Variants in KCNH3 observed in about 807,000 individuals in gnomAD.
KCNH3 encodes voltage-gated inwardly rectifying potassium channel KCNH3.
Under a neutral mutation model 95.6 loss-of-function variants are expected in KCNH3, and 36 were observed. The ratio of observed to expected loss-of-function variants is 0.38; its 90% confidence interval spans 0.29 to 0.50. The LOEUF (loss-of-function observed/expected upper bound fraction) is 0.50, where lower values mean the gene tolerates loss of function less well. KCNH3 is among the 20% of genes least tolerant of loss of function. The pLI, the probability that KCNH3 is intolerant of heterozygous loss-of-function variation, is 0.95. For synonymous variants in KCNH3, 620 were observed against 646.3 expected (o/e 0.96, Z 0.62); for missense variants, 1,030 against 1,484.1 (o/e 0.69, Z 5.03).
chr12:49,542,893 G>T, intron 4 of KCNH3, 54 bp downstream of exon 4: 1 of 1,579,198 alleles, frequency 6.3e-7, no homozygotes, highest in Non-Finnish European at 8.6e-7. Context: ...GCAGAAGATG[G>T]GGAAGGGGAA....
chr12:49,550,008 A>G, intron 9 of KCNH3, 72 bp from the exon 10 acceptor site: 3 of 1,465,596 alleles, frequency 2.0e-6, no homozygotes, highest in East Asian at 2.4e-5. Flanking sequence ...CAGGGTGGAG[A>G]GGGGCTGGCT....
Position 49,555,757 on chromosome 12 carries a change from C to T in KCNH3, c.2274C>T (p.Cys758=). The T allele has an allele frequency of 6.2e-7, 1 of 1,613,572 alleles. No homozygotes were observed. Among genetic ancestry groups the T allele is most frequent in the Non-Finnish European group, 8.5e-7 (1 of 1,179,864 alleles). The change falls in exon 12 of 15, where the codon TGC becomes TGT. Residue 758 remains cysteine (C), a synonymous_variant. Coordinates refer to ENST00000257981, the MANE Select transcript of KCNH3 (RefSeq NM_012284.3). The part of the protein sequence containing the change: ...EPSSPLLSPG[C]TSSSSAAKLL... ...CCAGCCCCCTGCTGTCCCCTGGCTG[C>T]ACCTCCTCATCCTCAGCTGCCAAGC...
At chr12:49,557,022 G>A (rs982444530) in intron 13 of KCNH3, among the ~76,000 whole-genome samples, 161 bp from the exon 14 acceptor site, 3 of 152,178 alleles carry the variant, frequency 2.0e-5, no homozygotes, top group African/African-American at 7.2e-5. Flanking sequence ...GCCCCTGGAA[G>A]TTTGGGCAAA....
chr12:49,543,455 C>A lies in KCNH3; in HGVS notation c.760C>A (p.Pro254Thr), dbSNP rs780622684. The change falls in exon 5 of 15, where the codon CCC (proline) becomes ACC (threonine). Residue 254 changes from proline to threonine, a missense_variant. Pro to Thr is a conservative substitution (Grantham distance 38). This residue lies in a region of KCNH3 where 153 missense variants were observed against 288.5 expected (regional missense o/e 0.53). Transcript: ENST00000257981. The stretch of plus-strand genomic sequence containing the variant: ...CGTGTGTGTGAGCACAGCACGGGAG[C>A]CCAGTGCCGCCCGCGGCCCGCCCAG... ...YSVCVSTARE[P>T]SAARGPPSVC... 6.2e-7 allele frequency: 1 copy of A among 1,603,228 alleles called. No homozygotes were observed. The highest frequency in any genetic ancestry group is 8.5e-7 in the Non-Finnish European group (1 of 1,179,462).
At chr12:49,552,259 G>A (rs1401057315) in intron 10 of KCNH3, among the ~76,000 whole-genome samples, 1 of 152,202 alleles carries the variant, frequency 6.6e-6, no homozygotes, top group Non-Finnish European at 1.5e-5. Context: ...TCCTCTCAGA[G>A]CATGCCTTTG....
At chr12:49,556,263 C>A in intron 12 of KCNH3, 107 bp from the exon 13 acceptor site, 1 of 832,812 alleles carries the variant, frequency 1.2e-6, no homozygotes, top group Non-Finnish European at 2.0e-6. Flanking sequence ...CTGGTCAGTT[C>A]CACGCTCCTG....
chr12:49,549,309 G>T (rs1166971900), intron 8 of KCNH3, 132 bp from the exon 9 acceptor site: 47 of 1,451,656 alleles, frequency 3.2e-5, no homozygotes, highest in Non-Finnish European at 4.2e-5. Context: ...GGCCGGGGGT[G>T]GGGGAGACTT....
chr12:49,540,574 C>A (rs1238776574), intron 1 of KCNH3, among the ~76,000 whole-genome samples: 1 of 152,142 alleles, frequency 6.6e-6, no homozygotes, highest in Non-Finnish European at 1.5e-5. Context: ...GCTGGCAGGG[C>A]AGTCCTCATT....
chr12:49,549,765 G>A (rs1027517062), intron 9 of KCNH3, 125 bp downstream of exon 9: 2 of 947,970 alleles, frequency 2.1e-6, no homozygotes, highest in Non-Finnish European at 1.6e-6. Context: ...CTTCTCTCTT[G>A]AGGGGACAGC....
intron 10 of KCNH3, 66 bp downstream of exon 10, chr12:49,550,395 A>G: frequency 6.6e-7 from 1 of 1,521,472 alleles, no homozygotes; most frequent in Middle Eastern, 1.8e-4. Context: ...TGATCTGTGG[A>G]AAACCTGGAG....
chr12:49,546,448 G>C (rs941307637), intron 7 of KCNH3, among the ~76,000 whole-genome samples: 5 of 152,004 alleles, frequency 3.3e-5, no homozygotes, highest in Admixed American at 2.6e-4. Flanking sequence ...AGGCTGAGGT[G>C]GGGGGGTGGG....
intron 7 of KCNH3, 95 bp from the exon 8 acceptor site, chr12:49,548,800 G>T (rs911844684): frequency 2.1e-5 from 28 of 1,317,202 alleles, no homozygotes; most frequent in Non-Finnish European, 2.7e-5. Context: ...GGAAGCCATG[G>T]GGCTGGGTCT....
rs377163564 is a variant in KCNH3 at position 49,557,349 on chromosome 12, C to G, written c.2653-5C>G. The G allele has an allele frequency of 1.9e-6, 3 of 1,608,552 alleles. No homozygotes were observed. The highest frequency in any genetic ancestry group is 2.6e-6 in the Non-Finnish European group (3 of 1,176,254). On this transcript the variant is annotated splice_region_variant and splice_polypyrimidine_tract_variant and intron_variant, in intron 14 of 14. Coordinates refer to ENST00000257981, the MANE Select transcript of KCNH3 (RefSeq NM_012284.3). ...TTCTGACCTCGCCTCCTCCCTCCCC[C>G]AAAGGTGACAGAGCTGTCAGAGCAG... is the stretch of plus-strand genomic sequence containing the variant.
chr12:49,549,558 G>C lies in KCNH3; in HGVS notation c.1586G>C (p.Arg529Pro). 2 of 1,613,430 alleles carry C rather than the reference G, an allele frequency of 1.2e-6. No homozygotes were observed. The highest frequency in any genetic ancestry group is 1.7e-6 in the Non-Finnish European group (2 of 1,180,036). The stretch of plus-strand genomic sequence containing the variant: ...CTGCGCGACTACATCCGCATCCACC[G>C]TATCCCCAAGCCCCTCAAGCAGCGC... ...RDLRDYIRIH[R>P]IPKPLKQRML... is the part of the protein sequence containing the mutation. Residue 529 changes from arginine (R) to proline (P), a missense_variant, in exon 9 of 15, where the codon CGT (arginine) becomes CCT (proline). Physicochemically the swap from Arg to Pro is moderately radical, Grantham distance 103. Transcript: ENST00000257981.
In KCNH3 at chr12:49,555,707, T is replaced by G; in HGVS notation, c.2224T>G (p.Ser742Ala). The change falls in exon 12 of 15, where the codon TCC (serine) becomes GCC (alanine). Residue 742 changes from serine (S) to alanine (A), a missense_variant. Physicochemically the swap from Ser to Ala is moderately conservative, Grantham distance 99. Transcript: ENST00000257981. ...ETDGEQGPTV[S>A]PAPADEPSSP... ...AGATGGGGAGCAGGGCCCCACGGTCTCCCCAGCCCCAGCTGATGAGCCCTC... is the reference window on the plus strand; with the variant it reads ...AGATGGGGAGCAGGGCCCCACGGTCGCCCCAGCCCCAGCTGATGAGCCCTC... The G allele has an allele frequency of 6.2e-7, 1 of 1,610,632 alleles. No individual in the cohort carries two copies. The highest frequency in any genetic ancestry group is 8.5e-7 in the Non-Finnish European group (1 of 1,178,304).
chr12:49,550,043 TCCCAACCCC>T, intron 9 of KCNH3, 28 bp from the exon 10 acceptor site: 8 of 1,299,508 alleles, frequency 6.2e-6, no homozygotes, highest in Non-Finnish European at 7.5e-6. Flanking sequence ...CTTCTGCCAC[TCCCAACCCC>T]CCCACCCCCG....
At chr12:49,545,040 G>A (rs899453012) in intron 7 of KCNH3, among the ~76,000 whole-genome samples, 1 of 151,888 alleles carries the variant, frequency 6.6e-6, no homozygotes, top group Non-Finnish European at 1.5e-5. Context: ...TGACCTTCTG[G>A]GACCAAACCC....
In KCNH3 at chr12:49,554,477, G is replaced by A; in HGVS notation, c.2059G>A (p.Glu687Lys). The part of the protein sequence containing the change: ...GLHDSLALYP[E>K]FAPRFSRGLR... The stretch of plus-strand genomic sequence containing the variant: ...GCACGACAGCCTTGCGCTGTACCCC[G>A]AGTTTGCCCCGCGCTTCAGTCGTGG... The change falls in exon 11 of 15, where the codon GAG becomes AAG. Residue 687 changes from glutamate (E) to lysine (K), a missense_variant. By Grantham distance (56) the Glu-to-Lys change is moderately conservative. Around this residue, in one of 9 missense-constraint regions of KCNH3, gnomAD observed 160 missense variants for 316.2 expected, o/e 0.51. Transcript: ENST00000257981. 1 of 1,613,660 alleles carries A rather than the reference G, an allele frequency of 6.2e-7. No individual in the cohort carries two copies. Among genetic ancestry groups the A allele is most frequent in the Non-Finnish European group, 8.5e-7 (1 of 1,180,030 alleles).
intron 11 of KCNH3, 125 bp downstream of exon 11, chr12:49,554,679 G>T (rs1419330068): frequency 2.4e-5 from 20 of 822,536 alleles, no homozygotes; most frequent in Non-Finnish European, 3.9e-5. Context: ...CTCCCACCTT[G>T]GGCAGGGGTC....
Sources: gnomAD v4.1 joint callset for allele counts (sites outside exome capture counted in the v4.1 genomes callset) on GRCh38, gnomAD v4.1.1 for gene constraint, gnomAD v4.1.1 regional missense constraint, MANE v1.5 for transcripts, NCBI Gene and HGNC (gene_info 2026-07-23, HGNC 2026-07-21) for gene names.